The following TMEM87B variants were observed in gnomAD, a reference collection of about 807,000 sequenced individuals.
The protein encoded by TMEM87B is transmembrane protein 87B.
Under a neutral mutation model 80.3 loss-of-function variants are expected in TMEM87B, and 83 were observed. The ratio of observed to expected loss-of-function variants is 1.03; its 90% CI spans 0.87 to 1.24. The LOEUF is 1.24. TMEM87B is among the 50% of genes most tolerant of loss of function. TMEM87B has a pLI of 0.00. For missense variants in TMEM87B, 625 were observed against 674.4 expected (o/e 0.93, Z 0.81); for synonymous variants, 219 against 230.5 (o/e 0.95, Z 0.45).
chr2:112,079,118 G>T (rs772074168), intron 6 of TMEM87B, among the ~76,000 whole-genome samples: 34 of 152,046 alleles, frequency 2.2e-4, no homozygotes, highest in Non-Finnish European at 4.4e-4. Flanking sequence ...ATTTTTTGTG[G>T]TGAGAACATT....
At chr2:112,063,947 G>A (rs915539384) in intron 2 of TMEM87B, among the ~76,000 whole-genome samples, 7 of 152,192 alleles carry the variant, frequency 4.6e-5, no homozygotes, top group Non-Finnish European at 4.4e-5. Context: ...AGACTTATAC[G>A]TGAAATGAGC....
chr2:112,076,379 A>T (rs1440029887), intron 5 of TMEM87B, among the ~76,000 whole-genome samples: 1 of 152,170 alleles, frequency 6.6e-6, no homozygotes, highest in African/African-American at 2.4e-5. Context: ...TTGTTCTGTC[A>T]CCTAGGCTGG....
At chr2:112,107,741 G>C in intron 16 of TMEM87B, 47 bp from the exon 17 acceptor site, 3 of 1,103,506 alleles carry the variant, frequency 2.7e-6, no homozygotes, top group South Asian at 3.3e-5. Context: ...TAAAAATTCT[G>C]CTGTCAGGTG....
chr2:112,079,314 AT>A (rs1412773324), intron 6 of TMEM87B, among the ~76,000 whole-genome samples: 4 of 152,108 alleles, frequency 2.6e-5, no homozygotes, highest in Non-Finnish European at 5.9e-5. Context: ...CTGCTCTCGT[AT>A]TAGGAGTTCA....
chr2:112,113,028 A>T, intron 18 of TMEM87B, 99 bp downstream of exon 18: 1 of 1,143,334 alleles, frequency 8.7e-7, no homozygotes, highest in Non-Finnish European at 1.3e-6. Context: ...TAAGATTATT[A>T]TAAATTGAAC....
intron 10 of TMEM87B, 93 bp downstream of exon 10, chr2:112,089,811 C>A: frequency 7.9e-7 from 1 of 1,266,108 alleles, no homozygotes; most frequent in Non-Finnish European, 1.1e-6. Flanking sequence ...TAGATAGAAA[C>A]TTGTGAAAAA....
intron 6 of TMEM87B, among the ~76,000 whole-genome samples, chr2:112,080,041 T>C (rs1678943009): frequency 6.8e-6 from 1 of 146,268 alleles, no homozygotes; most frequent in African/African-American, 2.5e-5. Context: ...GTGATTCTCC[T>C]GCCTCTGCTT....
intron 17 of TMEM87B, among the ~76,000 whole-genome samples, chr2:112,109,695 T>C (rs1679860211): frequency 7.7e-6 from 1 of 129,656 alleles, no homozygotes; most frequent in Non-Finnish European, 1.6e-5. Flanking sequence ...TTGTCTATCC[T>C]CCTTGGAATT....
chr2:112,077,074 A>T, intron 5 of TMEM87B, 118 bp from the exon 6 acceptor site: 1 of 486,588 alleles, frequency 2.1e-6, no homozygotes, highest in Non-Finnish European at 3.6e-6. Context: ...ATTAAAAAAT[A>T]GAAAAATTTA....
At chr2:112,084,130 G>T (rs1679076408) in intron 8 of TMEM87B, among the ~76,000 whole-genome samples, 1 of 152,198 alleles carries the variant, frequency 6.6e-6, no homozygotes, top group Non-Finnish European at 1.5e-5. Flanking sequence ...TGCAGCAGGA[G>T]CCTGGAAGGA....
rs115008538 is a variant in TMEM87B, at chr2:112,082,841, T to C, written c.838+1323T>C. ...TGAAGGTAAAGGGTGGCATGGACTT[T>C]AGTGAGGAGCAGCAAAAACCTGAGA... On this transcript the variant is annotated intron_variant, in intron 8 of 18. Coordinates refer to ENST00000283206, the MANE Select transcript of TMEM87B (RefSeq NM_032824.3). Among the ~76,000 whole-genome samples the C allele has an allele frequency of 9.9e-3, 1,500 of 152,192 alleles. 34 individuals carry two copies. Among genetic ancestry groups the C allele is most frequent in the African/African-American group, 0.034 (1,420 of 41,532 alleles).
chr2:112,067,192 T>C, intron 4 of TMEM87B, 125 bp downstream of exon 4: 1 of 1,290,128 alleles, frequency 7.8e-7, no homozygotes. Context: ...AAAATAAAGT[T>C]TATTTTATTC....
intron 4 of TMEM87B, 34 bp from the exon 5 acceptor site, chr2:112,074,878 A>C (rs764260998): frequency 7.2e-5 from 109 of 1,511,098 alleles, no homozygotes; most frequent in Non-Finnish European, 9.3e-5. Context: ...GAAATGCAGC[A>C]GTATAAAATG....
chr2:112,094,953 G>C (rs573698072), intron 11 of TMEM87B, among the ~76,000 whole-genome samples: 2 of 151,254 alleles, frequency 1.3e-5, no homozygotes, highest in African/African-American at 4.9e-5. Flanking sequence ...AACTAAATAC[G>C]TATACAATTG....
chr2:112,102,656 C>G (rs1355588847), intron 15 of TMEM87B, among the ~76,000 whole-genome samples: 3 of 151,508 alleles, frequency 2.0e-5, no homozygotes. Flanking sequence ...CCACTGCACG[C>G]CAGCCTGGAC....
chr2:112,095,306 T>A, intron 11 of TMEM87B: 1 of 982,854 alleles, frequency 1.0e-6, no homozygotes, highest in Non-Finnish European at 1.2e-6. Context: ...GTGGATATCC[T>A]TTTCCTACCA....
intron 8 of TMEM87B, 76 bp downstream of exon 8, chr2:112,081,594 C>A: frequency 7.5e-7 from 1 of 1,334,588 alleles, no homozygotes; most frequent in Non-Finnish European, 1.0e-6. Context: ...CAGTGGGAGG[C>A]CCCCTTCTGA....
At chr2:112,089,758 C>G in intron 10 of TMEM87B, 40 bp downstream of exon 10, 1 of 1,577,352 alleles carries the variant, frequency 6.3e-7, no homozygotes, top group Non-Finnish European at 8.7e-7. Context: ...TTTGTTATTG[C>G]TGTGAAATGT....
chr2:112,066,103 TA>T (rs1160689919), intron 3 of TMEM87B, among the ~76,000 whole-genome samples: 1 of 152,222 alleles, frequency 6.6e-6, no homozygotes, highest in East Asian at 1.9e-4. Context: ...ACTATGTAAA[TA>T]TGTTGTGGTT....
Sources: allele counts gnomAD v4.1 joint callset (sites outside exome capture counted in the v4.1 genomes callset), GRCh38; gene constraint gnomAD v4.1.1; transcripts MANE v1.5; gene names NCBI Gene and HGNC (gene_info 2026-07-23, HGNC 2026-07-21).